Variants in SGCG observed in about 807,000 individuals in gnomAD.
The protein encoded by SGCG is sarcoglycan gamma.
A neutral mutation model predicts 29.3 loss-of-function variants in SGCG; 26 were observed. That is an observed-to-expected ratio of 0.89 (90% CI 0.65 to 1.23). The LOEUF is 1.23. SGCG is among the 50% of genes most tolerant of loss of function. The pLI is 0.00. For missense variants in SGCG, 353 were observed against 356.0 expected (o/e 0.99, Z 0.07); for synonymous variants, 145 against 129.7 (o/e 1.12, Z -0.80).
At chr13:23,195,515 T>C (rs894779137) in intron 1 of SGCG, among the ~76,000 whole-genome samples, 16 of 152,068 alleles carry the variant, frequency 1.1e-4, no homozygotes, top group African/African-American at 3.9e-4. Context: ...GTTTGTTTTG[T>C]TTTTTTCTCT....
chr13:23,165,115 T>C, the SGCG span, among the ~76,000 whole-genome samples: 4 of 152,170 alleles, frequency 2.6e-5, no homozygotes, highest in Non-Finnish European at 2.9e-5. Flanking sequence ...CACTTATGAC[T>C]AGTTTATTAG....
At chr13:23,305,522 T>C (rs976409092) in intron 6 of SGCG, among the ~76,000 whole-genome samples, 1 of 152,262 alleles carries the variant, frequency 6.6e-6, no homozygotes, top group African/African-American at 2.4e-5. Flanking sequence ...AATCAATTTC[T>C]CTTGGCTAAT....
intron 1 of SGCG, among the ~76,000 whole-genome samples, chr13:23,188,127 G>C (rs775581190): frequency 1.3e-5 from 2 of 152,042 alleles, no homozygotes; most frequent in Non-Finnish European, 2.9e-5. Flanking sequence ...AACCTGAAGT[G>C]GTCTAGGAGG....
At chr13:23,233,235 TA>T (rs764667082) in intron 2 of SGCG, among the ~76,000 whole-genome samples, 1 of 152,010 alleles carries the variant, frequency 6.6e-6, no homozygotes, top group African/African-American at 2.4e-5. Context: ...TATTCAGCCT[TA>T]AAAAAACAGA....
chr13:23,258,775 G>A (rs148351368), intron 4 of SGCG, among the ~76,000 whole-genome samples: 1,642 of 152,030 alleles, frequency 0.011, 25 homozygotes, highest in African/African-American at 0.032. Flanking sequence ...GAATTTTGTC[G>A]AAGGCCTTTT....
chr13:23,179,302 C>G (rs966983709), upstream of SGCG, among the ~76,000 whole-genome samples: 1 of 152,054 alleles, frequency 6.6e-6, no homozygotes, highest in Non-Finnish European at 1.5e-5. Flanking sequence ...ATTCTTCTGC[C>G]CTACTAAACA....
chr13:23,195,246 A>T (rs1877441403), intron 1 of SGCG, among the ~76,000 whole-genome samples: 1 of 152,218 alleles, frequency 6.6e-6, no homozygotes, highest in South Asian at 2.1e-4. Flanking sequence ...TAACCTAATG[A>T]CACCATAAAA....
chr13:23,268,491 T>A (rs1206621413), intron 4 of SGCG: 2 of 152,438 alleles, frequency 1.3e-5, no homozygotes, highest in Non-Finnish European at 2.9e-5. Context: ...GAAGCAAGAG[T>A]GCAAGAATAT....
At chr13:23,209,439 G>A (rs770206459) in intron 2 of SGCG, among the ~76,000 whole-genome samples, 4 of 152,140 alleles carry the variant, frequency 2.6e-5, no homozygotes, top group Non-Finnish European at 5.9e-5. Context: ...AACAATTAGT[G>A]ATTATTCATA....
At chr13:23,308,195 C>T (rs1882427522) in intron 6 of SGCG, among the ~76,000 whole-genome samples, 1 of 152,312 alleles carries the variant, frequency 6.6e-6, no homozygotes, top group East Asian at 1.9e-4. Context: ...TTAGAAACCA[C>T]TGCTTGGGCA....
intron 6 of SGCG, among the ~76,000 whole-genome samples, chr13:23,315,912 G>A (rs1420277238): frequency 6.6e-6 from 1 of 152,188 alleles, no homozygotes; most frequent in Non-Finnish European, 1.5e-5. Flanking sequence ...CCTCAGCAGA[G>A]AAGGATTTTA....
chr13:23,291,813 C>T (rs376897123), intron 5 of SGCG, among the ~76,000 whole-genome samples: 1 of 152,236 alleles, frequency 6.6e-6, no homozygotes, highest in Non-Finnish European at 1.5e-5. Flanking sequence ...AAAGAATTGA[C>T]GCTGCTGTGA....
intron 1 of SGCG, among the ~76,000 whole-genome samples, chr13:23,201,573 C>T (rs1877768250): frequency 1.3e-5 from 2 of 152,112 alleles, no homozygotes; most frequent in African/African-American, 4.8e-5. Context: ...AAAAGGCAAG[C>T]AACGTCTCCC....
At chr13:23,281,137 C>T (rs1416187602) in intron 5 of SGCG, among the ~76,000 whole-genome samples, 19 of 151,880 alleles carry the variant, frequency 1.3e-4, no homozygotes, top group Admixed American at 1.2e-3. Context: ...GAGTTTAAGA[C>T]CAGCCTGGAC....
At chr13:23,260,746 G>T (rs1463240412) in intron 4 of SGCG, among the ~76,000 whole-genome samples, 1 of 151,822 alleles carries the variant, frequency 6.6e-6, no homozygotes, top group African/African-American at 2.4e-5. Context: ...GCTTTGTGGT[G>T]ACAAAATCTC....
rs543239142 is a variant in SGCG at position 23,281,959 on chromosome 13, C to A, written c.505+2481C>A. 9.8e-5 allele frequency among the ~76,000 whole-genome samples: 15 copies of A among 152,330 alleles called. 1 individual carries two copies. Among genetic ancestry groups the A allele is most frequent in the African/African-American group, 3.6e-4 (15 of 41,586 alleles). On this transcript the variant is annotated intron_variant, in intron 5 of 7. Transcript: ENST00000218867. The stretch of plus-strand genomic sequence containing the variant: ...ATCCTTTTAAAGGACAAGTTATAAT[C>A]TTCTCTTTCATAATTTTTTTGCCTG...
chr13:23,293,696 G>C (rs1376131391), intron 5 of SGCG, among the ~76,000 whole-genome samples: 1 of 152,118 alleles, frequency 6.6e-6, no homozygotes, highest in Non-Finnish European at 1.5e-5. Flanking sequence ...GCCGGGTGTG[G>C]TGGTGGGCAC....
chr13:23,226,030 T>C (rs1878882342), intron 2 of SGCG, among the ~76,000 whole-genome samples: 1 of 152,156 alleles, frequency 6.6e-6, no homozygotes, highest in African/African-American at 2.4e-5. Context: ...CTCCTACCTC[T>C]GCCACACCCT....
intron 6 of SGCG, among the ~76,000 whole-genome samples, chr13:23,304,611 G>A (rs11617532): frequency 0.087 from 13,082 of 151,114 alleles, 651 homozygotes; most frequent in South Asian, 0.13. Flanking sequence ...TTTTGGCGGC[G>A]GGGAGGGGAG....
Sources: gnomAD v4.1 joint callset for allele counts (sites outside exome capture counted in the v4.1 genomes callset) on GRCh38, gnomAD v4.1.1 for gene constraint, MANE v1.5 for transcripts, NCBI Gene and HGNC (gene_info 2026-07-23, HGNC 2026-07-21) for gene names.